TOP1: variants seen among roughly 807,000 people sequenced by gnomAD.
TOP1 encodes DNA topoisomerase I.
TOP1 carries 10 observed loss-of-function variants against 111.1 expected under a neutral mutation model. That is an observed-to-expected ratio of 0.09 (90% CI 0.06 to 0.15). The LOEUF (loss-of-function observed/expected upper bound fraction) is 0.15. TOP1 is among the 10% of genes least tolerant of loss of function. The pLI is 1.00. For synonymous variants in TOP1, 271 were observed against 302.9 expected, an observed-to-expected ratio of 0.89 and a Z score of 1.10; for missense variants, 474 against 926.7, an observed-to-expected ratio of 0.51 and a Z score of 6.34.
At chr20:41,062,497 A>C (rs2033557810) in intron 3 of TOP1, among the ~76,000 whole-genome samples, 2 of 152,042 alleles carry the variant, frequency 1.3e-5, no homozygotes, top group South Asian at 4.1e-4. Context: ...TTGATCATCT[A>C]GTTTCCATTT....
chr20:41,063,701 A>G (rs1269323221), intron 3 of TOP1, among the ~76,000 whole-genome samples: 1 of 151,896 alleles, frequency 6.6e-6, no homozygotes, highest in Non-Finnish European at 1.5e-5. Context: ...GACGTGGAGC[A>G]TTTTTTCATA....
At chr20:41,104,538 C>T (rs1002174527) in intron 13 of TOP1, among the ~76,000 whole-genome samples, 1 of 152,184 alleles carries the variant, frequency 6.6e-6, no homozygotes, top group Non-Finnish European at 1.5e-5. Flanking sequence ...GCCTCAAGAG[C>T]AGAGAGCCAG....
rs541774345 is a variant in TOP1 at position 41,116,845 on chromosome 20, C to A, written c.1822+453C>A. Among the ~76,000 whole-genome samples the A allele has an allele frequency of 3.3e-5, 5 of 152,154 alleles. No individual in the cohort carries two copies. In the East Asian group the frequency reaches 5.8e-4, roughly 18 times the overall value. On this transcript the variant is annotated intron_variant, in intron 17 of 20. Transcript: ENST00000361337. The surrounding 1 kb of genome is among the most constrained non-coding windows in gnomAD (Gnocchi z 5.6). ...CTATAGCTGATTTTTAGAATATTAT[C>A]ACCAAGATCCACGGGCTTTTTTTTT...
chr20:41,038,109 T>C (rs1400215306), intron 2 of TOP1, among the ~76,000 whole-genome samples: 6 of 152,208 alleles, frequency 3.9e-5, no homozygotes, highest in Admixed American at 1.3e-4. Context: ...TTCAAAGCTT[T>C]GGTCTCTTTT....
chr20:41,076,201 A>AGAGAAG lies in TOP1; in HGVS notation c.193_198dup (p.Glu65_Lys66dup). 1 of 1,607,720 alleles carries AGAGAAG rather than the reference A, an allele frequency of 6.2e-7. No homozygotes were observed. The highest frequency in any genetic ancestry group is 1.1e-5 in the South Asian group (1 of 90,796). ...ATAAAGATTCTGAAAAGAAACACAAAGAGAAGGAGAAGACCAAACACAAAG... is the reference window on the plus strand; with the variant it reads ...ATAAAGATTCTGAAAAGAAACACAAAGAGAAGGAGAAGGAGAAGACCAAACACAAAG... On this transcript the variant is annotated inframe_insertion, in exon 4 of 21. Coordinates refer to ENST00000361337, the MANE Select transcript of TOP1 (RefSeq NM_003286.4).
In TOP1 at chr20:41,097,635, G is replaced by A. The variant is rs916434007; in HGVS notation, c.852+294G>A. 2.0e-5 allele frequency among the ~76,000 whole-genome samples: 3 copies of A among 152,164 alleles called. No individual in the cohort carries two copies. Among genetic ancestry groups the A allele is most frequent in the Middle Eastern group, 3.2e-3 (1 of 316 alleles). On this transcript the variant is annotated intron_variant, in intron 10 of 20. Coordinates refer to ENST00000361337, the MANE Select transcript of TOP1 (RefSeq NM_003286.4). The surrounding 1 kb of genome is among the most constrained non-coding windows in gnomAD (Gnocchi z 4.2). ...CCAGTTGCGCACAGGAAAGTTTGTC[G>A]CTGCAGGACTGCCCCGTGTCTGCTG...
At chr20:41,037,181 A>C (rs925167035) in intron 2 of TOP1, among the ~76,000 whole-genome samples, 9 of 152,182 alleles carry the variant, frequency 5.9e-5, no homozygotes, top group African/African-American at 2.2e-4. Context: ...TTGCCAAAGG[A>C]ACTTGTAGCA....
In TOP1 at chr20:41,082,176, G is replaced by T. The variant is rs2033796542; in HGVS notation, c.507+936G>T. On this transcript the variant is annotated intron_variant, in intron 7 of 20. Transcript: ENST00000361337. The surrounding 1 kb of genome is among the most constrained non-coding windows in gnomAD (Gnocchi z 4.1). ...TCATGGGCAAAATGGGATCACAAAT[G>T]TAAAGTGGACAGTTTGAAGTACCAG... Among the ~76,000 whole-genome samples the T allele has an allele frequency of 6.6e-6, 1 of 152,192 alleles. No homozygotes were observed. The highest frequency in any genetic ancestry group is 6.5e-5 in the Admixed American group (1 of 15,282).
rs150409824 is a variant in TOP1 at position 41,084,256 on chromosome 20, T to A, written c.508-206T>A. 2.0e-5 allele frequency among the ~76,000 whole-genome samples: 3 copies of A among 152,262 alleles called. No individual in the cohort carries two copies. The East Asian group carries it at 5.8e-4, about 29-fold the overall frequency. ...TTTTTTAACTACTTTCTCAAGTAGTTGTTTGTCAGGAAATTTTAGGAAATA... is the reference window on the plus strand; with the variant it reads ...TTTTTTAACTACTTTCTCAAGTAGTAGTTTGTCAGGAAATTTTAGGAAATA... On this transcript the variant is annotated intron_variant, in intron 7 of 20. Transcript: ENST00000361337.
Position 41,061,353 on chromosome 20 carries a change from C to T in TOP1, c.59-41C>T. The stretch of plus-strand genomic sequence containing the variant: ...GTCAAGGTAGGCATACAGAAGATAG[C>T]TCATGACTCCTGTTAACTGACTCAT... On this transcript the variant is annotated intron_variant, in intron 2 of 20. Transcript: ENST00000361337. The surrounding 1 kb of genome is among the most constrained non-coding windows in gnomAD (Gnocchi z 4.6). 1.3e-6 allele frequency: 2 copies of T among 1,588,728 alleles called. No individual in the cohort carries two copies. Among genetic ancestry groups the T allele is most frequent in the Non-Finnish European group, 1.7e-6 (2 of 1,158,552 alleles).
chr20:41,100,310 T>G lies in TOP1; in HGVS notation c.1163+67T>G. ...GGGCGTCCTTTATTGTACTTGGGAA[T>G]ATTTCCCAGGTTACACAGGACTGTT... On this transcript the variant is annotated intron_variant, in intron 12 of 20. Coordinates refer to ENST00000361337, the MANE Select transcript of TOP1 (RefSeq NM_003286.4). The surrounding 1 kb of genome is among the most constrained non-coding windows in gnomAD (Gnocchi z 4.4). 7.4e-7 allele frequency: 1 copy of G among 1,348,460 alleles called. No individual in the cohort carries two copies. The highest frequency in any genetic ancestry group is 1.3e-5 in the South Asian group (1 of 75,876). 83.5% of individuals were successfully genotyped at this position (1,348,460 alleles called of 1,614,324 possible). A position where few individuals can be genotyped will look rare whatever the true frequency, so the allele number is the denominator to read the frequency against.
intron 3 of TOP1, among the ~76,000 whole-genome samples, chr20:41,074,424 TAAC>T (rs1333893377): frequency 6.6e-6 from 1 of 152,040 alleles, no homozygotes; most frequent in Non-Finnish European, 1.5e-5. Context: ...CACATGTAAA[TAAC>T]AGTCTAATGA....
chr20:41,120,081 CCT>C (rs1385219639), intron 18 of TOP1, among the ~76,000 whole-genome samples: 2 of 152,222 alleles, frequency 1.3e-5, no homozygotes, highest in Non-Finnish European at 2.9e-5. Context: ...AACACACGCC[CCT>C]GTTTGCCAAG....
At chr20:41,048,092 T>TAAAAA (rs57371417) in intron 2 of TOP1, among the ~76,000 whole-genome samples, 1 of 125,636 alleles carries the variant, frequency 8.0e-6, no homozygotes, top group Non-Finnish European at 1.7e-5. Flanking sequence ...GGCTATAAAT[T>TAAAAA]AAAAAAAAAA....
chr20:41,071,123 G>A lies in TOP1; in HGVS notation c.156-5048G>A, dbSNP rs893958527. Reference sequence around the variant, plus strand: ...AATATCAGTATTTTGTTGTGGTAGCGGTGGTCTTTTTTCCTAAAGAAACAG... The same window carrying A: ...AATATCAGTATTTTGTTGTGGTAGCAGTGGTCTTTTTTCCTAAAGAAACAG... On this transcript the variant is annotated intron_variant, in intron 3 of 20. Transcript: ENST00000361337. The surrounding 1 kb of genome is among the most constrained non-coding windows in gnomAD (Gnocchi z 4.3). 2.6e-5 allele frequency among the ~76,000 whole-genome samples: 4 copies of A among 152,172 alleles called. No homozygotes were observed. Among genetic ancestry groups the A allele is most frequent in the South Asian group, 4.1e-4 (2 of 4,822 alleles).
At chr20:41,089,140 TCAGCCTCCCAAGTAGCTGGGATTA>T (rs1188981379) in intron 8 of TOP1, among the ~76,000 whole-genome samples, 2 of 150,400 alleles carry the variant, frequency 1.3e-5, no homozygotes, top group East Asian at 4.0e-4. Flanking sequence ...TTCTCCTGCC[TCAGCCTCCCAAGTAGCTGGGATTA>T]CAGGCTCCCA....
intron 11 of TOP1, among the ~76,000 whole-genome samples, 164 bp from the exon 12 acceptor site, chr20:41,099,892 T>A (rs1347370544): frequency 1.3e-5 from 2 of 152,212 alleles, no homozygotes; most frequent in Non-Finnish European, 2.9e-5. Flanking sequence ...TTTATGATAT[T>A]TAAGTTTGAG....
chr20:41,111,909 C>G (rs1339872566), intron 13 of TOP1, among the ~76,000 whole-genome samples: 3 of 152,112 alleles, frequency 2.0e-5, no homozygotes, highest in Non-Finnish European at 2.9e-5. Context: ...TTGGCTCTTG[C>G]TTGTGAGTCT....
At position 41,049,598 on chromosome 20, in the gene TOP1, C is replaced by T. The variant is rs149494721; in HGVS notation, c.59-11796C>T. Among the ~76,000 whole-genome samples the T allele has an allele frequency of 1.4e-4, 21 of 152,296 alleles. No homozygotes were observed. In the East Asian group the frequency reaches 4.1e-3, roughly 29 times the overall value. The stretch of plus-strand genomic sequence containing the variant: ...TTGGGCAGTTAGGGGGACCCTTTCC[C>T]TCTCCCTTTTCAAAGTTACTCAGTC... On this transcript the variant is annotated intron_variant, in intron 2 of 20. Coordinates refer to ENST00000361337, the MANE Select transcript of TOP1 (RefSeq NM_003286.4).
Sources: gnomAD v4.1 joint callset for allele counts (sites outside exome capture counted in the v4.1 genomes callset) on GRCh38, gnomAD v4.1.1 for gene constraint, Gnocchi (gnomAD v3.1) non-coding constraint, MANE v1.5 for transcripts, NCBI Gene and HGNC (gene_info 2026-07-23, HGNC 2026-07-21) for gene names.